Variants in CADM3 observed in about 807,000 individuals in gnomAD.
CADM3 encodes TSLC1-like 1.
In CADM3, 11 loss-of-function variants were observed where a neutral mutation model predicts 44.9. The observed-to-expected ratio is 0.25, with a 90% CI of 0.15 to 0.41. CADM3 has a LOEUF of 0.41. Ranked by LOEUF, CADM3 falls within the 10% of genes least tolerant of loss-of-function variation. The pLI is 1.00. For synonymous variants in CADM3, 207 were observed against 205.2 expected (o/e 1.01, Z -0.08); for missense variants, 426 against 512.0 (o/e 0.83, Z 1.62).
chr1:159,182,253 C>T (rs761259285), intron 1 of CADM3, among the ~76,000 whole-genome samples: 7 of 152,238 alleles, frequency 4.6e-5, no homozygotes, highest in Non-Finnish European at 1.0e-4. Context: ...ACTCCCTCTT[C>T]ATCATAACCA....
At chr1:159,199,402 G>A (rs201622032) in intron 7 of CADM3, among the ~76,000 whole-genome samples, 8 of 148,756 alleles carry the variant, frequency 5.4e-5, no homozygotes, top group Non-Finnish European at 8.9e-5. Flanking sequence ...CGGAGGGAGG[G>A]AGGAAGGAAG....
At chr1:159,194,359 C>T in intron 5 of CADM3, 2 of 213,222 alleles carry the variant, frequency 9.4e-6, no homozygotes. Context: ...CAAAAGAATG[C>T]AGGTGGCAGG....
In CADM3 at chr1:159,193,484, C is replaced by G; in HGVS notation, c.444C>G (p.Ala148=). The change falls in exon 4 of 9, where the codon GCC becomes GCG. Residue 148 remains alanine, a synonymous_variant. Transcript: ENST00000368125. ...CTTCATTACGGGAAAAAGACACAGCCACCCTAAACTGTCAGTCTTCTGGGA... is the reference window on the plus strand; with the variant it reads ...CTTCATTACGGGAAAAAGACACAGCGACCCTAAACTGTCAGTCTTCTGGGA... The part of the protein sequence containing the change: ...YKSSLREKDT[A]TLNCQSSGSK... The G allele has an allele frequency of 1.2e-6, 2 of 1,613,290 alleles. No homozygotes were observed. The highest frequency in any genetic ancestry group is 1.7e-6 in the Non-Finnish European group (2 of 1,179,326).
chr1:159,193,688 C>A, intron 4 of CADM3, 128 bp downstream of exon 4: 1 of 1,442,340 alleles, frequency 6.9e-7, no homozygotes, highest in Non-Finnish European at 9.6e-7. Context: ...ATTTTGTGTG[C>A]ACTCAAGTGC....
rs927444873 is a variant in CADM3 at position 159,193,952 on chromosome 1, G to A, written c.603G>A (p.Glu201=). Reference sequence around the variant, plus strand: ...CGGTGACATTCCAGGTTACCCGGGAGGATGATGGGGCGAGCATCGTGTGCT... The same window carrying A: ...CGGTGACATTCCAGGTTACCCGGGAAGATGATGGGGCGAGCATCGTGTGCT... ...SSSVTFQVTR[E]DDGASIVCSV... is the part of the protein sequence containing the mutation. The change falls in exon 5 of 9, where the codon GAG becomes GAA. Residue 201 remains glutamate, a synonymous_variant. Coordinates refer to ENST00000368125, the MANE Select transcript of CADM3 (RefSeq NM_001127173.3). 1.2e-6 allele frequency: 2 copies of A among 1,614,100 alleles called. No individual in the cohort carries two copies. The highest frequency in any genetic ancestry group is 1.3e-5 in the African/African-American group (1 of 74,924).
At chr1:159,191,084 G>A (rs1030656548) in intron 1 of CADM3, among the ~76,000 whole-genome samples, 8 of 152,204 alleles carry the variant, frequency 5.3e-5, no homozygotes, top group African/African-American at 1.9e-4. Context: ...CCCGGTAGGC[G>A]TGACCAGAAG....
chr1:159,193,308 A>G (rs996905379), intron 3 of CADM3, 115 bp from the exon 4 acceptor site: 7 of 1,110,964 alleles, frequency 6.3e-6, no homozygotes, highest in South Asian at 1.6e-5. Context: ...TCTTCTACCC[A>G]TCAGAAATTA....
In CADM3 at chr1:159,201,024, C is replaced by G; in HGVS notation, c.*102C>G. On this transcript the variant is annotated 3_prime_UTR_variant, in exon 9 of 9. Transcript: ENST00000368125. ...AGAGCAACCGCAGGGCCGCCCCTCCCGCTTGCTCCCCAGCCCACCCACCCC... is the reference window on the plus strand; with the variant it reads ...AGAGCAACCGCAGGGCCGCCCCTCCGGCTTGCTCCCCAGCCCACCCACCCC... 3.0e-6 allele frequency: 2 copies of G among 664,420 alleles called. No individual in the cohort carries two copies. Among genetic ancestry groups the G allele is most frequent in the South Asian group, 2.4e-5 (1 of 41,060 alleles). The allele number at this position is 664,420 out of a possible 1,614,324, so 41.2% of individuals were successfully genotyped here. A position where few individuals can be genotyped will look rare whatever the true frequency, so the allele number is the denominator to read the frequency against.
At chr1:159,199,926 C>G in intron 8 of CADM3, 50 bp downstream of exon 8, 8 of 1,598,416 alleles carry the variant, frequency 5.0e-6, no homozygotes, top group Non-Finnish European at 6.0e-6. Context: ...GGCAGGGAGA[C>G]CAATCAGAGG....
intron 1 of CADM3, among the ~76,000 whole-genome samples, chr1:159,185,034 G>A (rs1339442310): frequency 6.6e-6 from 1 of 152,184 alleles, no homozygotes; most frequent in Non-Finnish European, 1.5e-5. Context: ...ATTCAGAACA[G>A]ACAAGAAGAT....
At chr1:159,181,381 G>A (rs758598104) in intron 1 of CADM3, among the ~76,000 whole-genome samples, 3 of 152,194 alleles carry the variant, frequency 2.0e-5, no homozygotes, top group Non-Finnish European at 4.4e-5. Context: ...AGTGAGAAGG[G>A]AATGAGGAGA....
chr1:159,193,365 G>C, intron 3 of CADM3, 58 bp from the exon 4 acceptor site: 1 of 1,526,190 alleles, frequency 6.6e-7, no homozygotes, highest in African/African-American at 1.4e-5. Flanking sequence ...AGGGAGAGCA[G>C]AAGTGTGACC....
intron 1 of CADM3, among the ~76,000 whole-genome samples, chr1:159,180,818 G>T (rs1649204760): frequency 6.6e-6 from 1 of 152,180 alleles, no homozygotes. Context: ...TTTCTTGCTT[G>T]ACTTCTAACA....
chr1:159,198,803 C>T (rs1650017510), intron 7 of CADM3, among the ~76,000 whole-genome samples: 3 of 152,152 alleles, frequency 2.0e-5, no homozygotes, highest in Non-Finnish European at 4.4e-5. Context: ...CCAGTCTGTG[C>T]TGTTGATCCT....
intron 5 of CADM3, 102 bp downstream of exon 5, chr1:159,194,142 G>A: frequency 8.0e-7 from 1 of 1,248,388 alleles, no homozygotes; most frequent in Non-Finnish European, 1.1e-6. Flanking sequence ...GCACAGTTAA[G>A]TGAATAGGTA....
chr1:159,202,576 A>G lies in CADM3; in HGVS notation c.*1654A>G. 1 of 152,494 alleles carries G rather than the reference A, an allele frequency of 6.6e-6. No individual in the cohort carries two copies. The highest frequency in any genetic ancestry group is 1.9e-4 in the East Asian group (1 of 5,164). The allele number at this position is 152,494 out of a possible 1,614,324, so 9.4% of individuals were successfully genotyped here. A position where few individuals can be genotyped will look rare whatever the true frequency, so the allele number is the denominator to read the frequency against. Reference sequence around the variant, plus strand: ...TTCCTGTCTTCCTTCTCGTGGCCCCAGCTGGTTGCTGTGGAGATGAGGTTC... The same window carrying G: ...TTCCTGTCTTCCTTCTCGTGGCCCCGGCTGGTTGCTGTGGAGATGAGGTTC... On this transcript the variant is annotated 3_prime_UTR_variant, in exon 9 of 9. Transcript: ENST00000368125.
Position 159,193,395 on chromosome 1 carries a change from TATCCTGGCC to T in CADM3, c.383-23_383-15del. 1 of 1,567,058 alleles carries T rather than the reference TATCCTGGCC, an allele frequency of 6.4e-7. No homozygotes were observed. Among genetic ancestry groups the T allele is most frequent in the Non-Finnish European group, 8.7e-7 (1 of 1,154,728 alleles). ...GTGACCCCATGGGGCCTCTCCTTCC[TATCCTGGCC>T]ATCCCCTATCCATGGCAGGAATTCC... On this transcript the variant is annotated intron_variant, in intron 3 of 8. Transcript: ENST00000368125.
At chr1:159,183,859 G>A (rs1201214537) in intron 1 of CADM3, among the ~76,000 whole-genome samples, 2 of 152,152 alleles carry the variant, frequency 1.3e-5, no homozygotes, top group African/African-American at 2.4e-5. Flanking sequence ...TGACATTCAG[G>A]CAAAGCCTTA....
chr1:159,184,752 T>C (rs1649353270), intron 1 of CADM3, among the ~76,000 whole-genome samples: 1 of 152,242 alleles, frequency 6.6e-6, no homozygotes, highest in Admixed American at 6.5e-5. Flanking sequence ...TTTTTATTTA[T>C]TTGAGTTACT....
Sources: gnomAD v4.1 joint callset for allele counts (sites outside exome capture counted in the v4.1 genomes callset) on GRCh38, gnomAD v4.1.1 for gene constraint, MANE v1.5 for transcripts, NCBI Gene and HGNC (gene_info 2026-07-23, HGNC 2026-07-21) for gene names.